Variants in ARHGEF18 observed in about 807,000 individuals in gnomAD.
ARHGEF18 encodes Rho/Rac guanine nucleotide exchange factor 18.
ARHGEF18 carries 93 observed loss-of-function variants against 155.7 expected under a neutral mutation model. The ratio of observed to expected loss-of-function variants is 0.60; its 90% CI spans 0.50 to 0.71. The LOEUF (loss-of-function observed/expected upper bound fraction) is 0.71. Among genes scored for constraint, ARHGEF18 ranks in the 30% least tolerant of loss-of-function variants. The pLI is 0.00. For missense variants in ARHGEF18, 1,593 were observed against 1,816.1 expected (o/e 0.88, Z 2.23); for synonymous variants, 742 against 753.1 (o/e 0.99, Z 0.24).
At chr19:7,352,515 C>T (rs950051293) in intron 1 of ARHGEF18, among the ~76,000 whole-genome samples, 36 of 147,020 alleles carry the variant, frequency 2.4e-4, no homozygotes, top group Non-Finnish European at 4.8e-4. Flanking sequence ...ATGTCCTTCT[C>T]ACTTTCCTAG....
chr19:7,466,961 T>C lies in ARHGEF18; in HGVS notation c.2948T>C (p.Val983Ala), dbSNP rs1440714688. 1 of 1,613,436 alleles carries C rather than the reference T, an allele frequency of 6.2e-7. No individual in the cohort carries two copies. Among genetic ancestry groups the C allele is most frequent in the Non-Finnish European group, 8.5e-7 (1 of 1,180,012 alleles). Residue 983 changes from valine (V) to alanine (A), a missense_variant, in exon 24 of 29, where the codon GTC becomes GCC. By Grantham distance (64) the Val-to-Ala change is moderately conservative. Transcript: ENST00000668164. Reference protein sequence around the residue: ...GTESDPRLPTVLESELVQRIQ... With the variant: ...GTESDPRLPTALESELVQRIQ... ...GAATCCGATCCCCGTCTGCCCACCGTCCTGGAGTCGGAGGTAGGCGCCCGC... is the reference window on the plus strand; with the variant it reads ...GAATCCGATCCCCGTCTGCCCACCGCCCTGGAGTCGGAGGTAGGCGCCCGC...
At chr19:7,412,433 T>A (rs11879917) in intron 10 of ARHGEF18, among the ~76,000 whole-genome samples, 80,575 of 151,378 alleles carry the variant, frequency 0.53, 22,186 homozygotes, top group Middle Eastern at 0.73. Context: ...GACACTTAAT[T>A]TTCGGTTTTT....
At chr19:7,452,232 A>G (rs545160896) in intron 16 of ARHGEF18, among the ~76,000 whole-genome samples, 28 of 152,314 alleles carry the variant, frequency 1.8e-4, no homozygotes, top group Non-Finnish European at 2.5e-4. Context: ...TCTGTGTCAC[A>G]TGACCAGGGC....
intron 10 of ARHGEF18, among the ~76,000 whole-genome samples, chr19:7,385,877 TCC>T (rs1971016681): frequency 1.8e-4 from 3 of 16,974 alleles, no homozygotes; most frequent in East Asian, 2.2e-3. Context: ...CTCTCCCCCC[TCC>T]CTCTCTCCCT....
chr19:7,362,011 A>AGGAAGAAGAAGAAGAAGGAGAAGG (rs1568264307), intron 1 of ARHGEF18, among the ~76,000 whole-genome samples: 15 of 85,332 alleles, frequency 1.8e-4, no homozygotes, highest in Non-Finnish European at 2.7e-4. Flanking sequence ...GAAGAAGAAG[A>AGGAAGAAGAAGAAGAAGGAGAAGG]AGAAGGAGAA....
At chr19:7,378,213 C>A (rs1970553574) in intron 5 of ARHGEF18, among the ~76,000 whole-genome samples, 181 bp from the exon 6 acceptor site, 1 of 152,148 alleles carries the variant, frequency 6.6e-6, no homozygotes, top group Non-Finnish European at 1.5e-5. Context: ...ACTGGGGACA[C>A]CTGCGTTTGT....
At chr19:7,394,332 A>AT (rs1409175587) in intron 10 of ARHGEF18, among the ~76,000 whole-genome samples, 2 of 151,976 alleles carry the variant, frequency 1.3e-5, no homozygotes, top group African/African-American at 4.8e-5. Flanking sequence ...GGATGAAGTG[A>AT]TCCCCCCACC....
intron 10 of ARHGEF18, among the ~76,000 whole-genome samples, chr19:7,407,399 C>G (rs1237263915): frequency 6.6e-6 from 1 of 150,598 alleles, no homozygotes; most frequent in East Asian, 1.9e-4. Context: ...GTACCCCAGC[C>G]TGGGTGACAG....
At chr19:7,454,161 G>GGCGCCATCTTTGGAGTTGTGT (rs1975684026) in intron 17 of ARHGEF18, among the ~76,000 whole-genome samples, 1 of 149,748 alleles carries the variant, frequency 6.7e-6, no homozygotes, top group Admixed American at 6.6e-5. Context: ...GGGAGTTGTG[G>GGCGCCATCTTTGGAGTTGTGT]GCACCCTCTT....
chr19:7,414,228 A>G (rs563050504), intron 10 of ARHGEF18, among the ~76,000 whole-genome samples: 38 of 138,276 alleles, frequency 2.7e-4, no homozygotes, highest in African/African-American at 9.7e-4. Flanking sequence ...GACTCTGCCA[A>G]ATGACCCTGG....
Position 7,469,964 on chromosome 19 carries a change from C to A in ARHGEF18, c.3848C>A (p.Thr1283Asn). The change falls in exon 28 of 29, where the codon ACC becomes AAC. Residue 1283 changes from threonine (T) to asparagine (N), a missense_variant. Transcript: ENST00000668164. ...LNKLMGKDESTSRNRRSLSPI... is the reference protein window; with the variant it reads ...LNKLMGKDESNSRNRRSLSPI... ...AAGCTCATGGGGAAAGATGAGAGCA[C>A]CTCACGGAACCGCCGCTCGCTGAGC... 2 of 1,613,150 alleles carry A rather than the reference C, an allele frequency of 1.2e-6. No individual in the cohort carries two copies. Among genetic ancestry groups the A allele is most frequent in the Non-Finnish European group, 8.5e-7 (1 of 1,179,934 alleles).
chr19:7,461,634 G>A (rs776908981), intron 20 of ARHGEF18, among the ~76,000 whole-genome samples: 2 of 152,036 alleles, frequency 1.3e-5, no homozygotes, highest in Non-Finnish European at 2.9e-5. Flanking sequence ...CTAATAAATG[G>A]GCCTGATACA....
rs78719314 is a variant in ARHGEF18, at chr19:7,383,781, G to A, written c.967+578G>A. ...GAAGACTCTATTTTCAAATAAGGTCGCATCCTAAAGGACAGAAGTGGGGGA... is the reference window on the plus strand; with the variant it reads ...GAAGACTCTATTTTCAAATAAGGTCACATCCTAAAGGACAGAAGTGGGGGA... On this transcript the variant is annotated intron_variant, in intron 10 of 28. Transcript: ENST00000668164. Among the ~76,000 whole-genome samples the A allele has an allele frequency of 9.4e-4, 136 of 144,706 alleles. 1 individual carries two copies. In the East Asian group the frequency reaches 0.023, roughly 24 times the overall value. The allele number at this position is 144,706 out of a possible 152,430, so 94.9% of individuals were successfully genotyped here.
intron 23 of ARHGEF18, among the ~76,000 whole-genome samples, chr19:7,466,696 C>T (rs1054276350): frequency 3.5e-5 from 5 of 143,792 alleles, no homozygotes; most frequent in African/African-American, 7.9e-5. Flanking sequence ...CCCAATTACT[C>T]GGGAGGTTGA....
At position 7,462,272 on chromosome 19, in the gene ARHGEF18, G is replaced by T. The variant is rs149907299; in HGVS notation, c.2573G>T (p.Arg858Leu). The change falls in exon 21 of 29, where the codon CGT becomes CTT. Residue 858 changes from arginine (R) to leucine (L), a missense_variant. Arg to Leu is a moderately radical substitution (Grantham distance 102). Transcript: ENST00000668164. The surrounding 1 kb of genome is among the most constrained non-coding windows in gnomAD (Gnocchi z 4.4). ...CTGCCCCAGCCCCGAGGCCTATTCCGTGGAGGGGACCCATCCGAGACCCTG... is the reference window on the plus strand; with the variant it reads ...CTGCCCCAGCCCCGAGGCCTATTCCTTGGAGGGGACCCATCCGAGACCCTG... ...EDLPQPRGLF[R>L]GGDPSETLQG... is the part of the protein sequence containing the mutation. 2 of 1,613,394 alleles carry T rather than the reference G, an allele frequency of 1.2e-6. No homozygotes were observed. The highest frequency in any genetic ancestry group is 1.7e-6 in the Non-Finnish European group (2 of 1,179,796).
chr19:7,431,499 A>G (rs1973959107), intron 10 of ARHGEF18, among the ~76,000 whole-genome samples: 1 of 115,634 alleles, frequency 8.6e-6, no homozygotes, highest in African/African-American at 3.6e-5. Context: ...CGACAGAGTG[A>G]GACTCCATCT....
chr19:7,439,100 G>T (rs544242818), intron 10 of ARHGEF18, among the ~76,000 whole-genome samples: 1 of 150,950 alleles, frequency 6.6e-6, no homozygotes, highest in African/African-American at 2.4e-5. Context: ...GGCCAGGCTG[G>T]TCTTGAACTC....
At chr19:7,429,861 G>A (rs865796987) in intron 10 of ARHGEF18, among the ~76,000 whole-genome samples, 1 of 152,266 alleles carries the variant, frequency 6.6e-6, no homozygotes, top group African/African-American at 2.4e-5. Context: ...TTAAATCAGA[G>A]CGCTCCCGTG....
intron 19 of ARHGEF18, 92 bp downstream of exon 19, chr19:7,458,782 T>C: frequency 7.3e-7 from 1 of 1,377,214 alleles, no homozygotes; most frequent in Non-Finnish European, 9.7e-7. Context: ...AGCTGTGACC[T>C]TGAACTCCCT....
Sources: gnomAD v4.1 joint callset for allele counts (sites outside exome capture counted in the v4.1 genomes callset) on GRCh38, gnomAD v4.1.1 for gene constraint, Gnocchi (gnomAD v3.1) non-coding constraint, MANE v1.5 for transcripts, NCBI Gene and HGNC (gene_info 2026-07-23, HGNC 2026-07-21) for gene names.